The following UBR4 variants were observed in gnomAD, a reference collection of about 807,000 sequenced individuals.
UBR4 encodes E3 ubiquitin-protein ligase UBR4.
UBR4 carries 124 observed loss-of-function variants against 575.6 expected under a neutral mutation model. That is an observed-to-expected ratio of 0.22 (90% CI 0.19 to 0.25). The LOEUF is 0.25. Among genes scored for constraint, UBR4 ranks in the 10% least tolerant of loss-of-function variants. The pLI, the probability that UBR4 is intolerant of heterozygous loss-of-function variation, is 1.00. For missense variants in UBR4, 4,818 were observed against 6,478.8 expected (o/e 0.74, Z 8.80); for synonymous variants, 2,455 against 2,473.7 (o/e 0.99, Z 0.22).
Position 19,141,396 on chromosome 1 carries a change from C to T in UBR4, c.8439G>A (p.Glu2813=). ...GGGCAATGGCTAGTTCAACCATGGT[C>T]TCGTCATCTGCATCAGGTGGGATGT... ...MLDIPPDADD[E]TMVELAIALS... Residue 2813 remains glutamate, a synonymous_variant, in exon 57 of 106, where the codon GAG becomes GAA. Transcript: ENST00000375254. 6.2e-7 allele frequency: 1 copy of T among 1,614,252 alleles called. No homozygotes were observed. Among genetic ancestry groups the T allele is most frequent in the Non-Finnish European group, 8.5e-7 (1 of 1,180,038 alleles).
At chr1:19,143,663 G>A (rs559248739) in intron 55 of UBR4, among the ~76,000 whole-genome samples, 1 of 152,308 alleles carries the variant, frequency 6.6e-6, no homozygotes, top group East Asian at 1.9e-4. Context: ...TGGCTCTTAG[G>A]AAGCTTTCAG....
At position 19,088,292 on chromosome 1, in the gene UBR4, C is replaced by T. The variant is rs900925822; in HGVS notation, c.14431-363G>A. 2.4e-4 allele frequency among the ~76,000 whole-genome samples: 36 copies of T among 152,218 alleles called. No homozygotes were observed. The highest frequency in any genetic ancestry group is 1.3e-4 in the Admixed American group (2 of 15,282). On this transcript the variant is annotated intron_variant, in intron 98 of 105. Coordinates refer to ENST00000375254, the MANE Select transcript of UBR4 (RefSeq NM_020765.3). The surrounding 1 kb of genome is among the most constrained non-coding windows in gnomAD (Gnocchi z 4.0). ...CACTGTTCCCAGGTGAGCTTTTCAA[C>T]TGCTGACACTCAAGTCTGTGCTTTG... is the stretch of plus-strand genomic sequence containing the variant.
chr1:19,111,550 C>G (rs1198291550), intron 78 of UBR4: 1 of 152,520 alleles, frequency 6.6e-6, no homozygotes, highest in East Asian at 1.9e-4. Context: ...AACTCCTGAC[C>G]TCGTGATCTG....
rs766518137 is a variant in UBR4 at position 19,087,867 on chromosome 1, G to A, written c.14493C>T (p.Ile4831=). 2.4e-5 allele frequency: 38 copies of A among 1,611,288 alleles called. No homozygotes were observed. The highest frequency in any genetic ancestry group is 3.1e-5 in the Non-Finnish European group (36 of 1,178,668). The change falls in exon 99 of 106, where the codon ATC becomes ATT. Residue 4831 remains isoleucine (I), a synonymous_variant. Transcript: ENST00000375254. ...TALLKQMEEL[I]EEPGLTCCIC... ...TGCAGCACGTGAGGCCAGGCTCCTC[G>A]ATCAGCTCTTCCATCTGCTTCAGGA...
rs1389055392 is a variant in UBR4 at position 19,148,575 on chromosome 1, T to C, written c.7482A>G (p.Pro2494=). ...AAAAGTGACTTGCCTTCTCGATGAT[T>C]GGGCCAACGGCAAAGCAGCTTTCCA... ...EALESCFAVG[P]IIEKERNKNA... The change falls in exon 50 of 106, where the codon CCA becomes CCG. Residue 2494 remains proline (P), a synonymous_variant. Transcript: ENST00000375254. 6 of 1,614,090 alleles carry C rather than the reference T, an allele frequency of 3.7e-6. No individual in the cohort carries two copies. The African/African-American group carries it at 8.0e-5, about 22-fold the overall frequency.
chr1:19,113,988 T>C lies in UBR4; in HGVS notation c.11285A>G (p.Asn3762Ser). 1 of 1,614,240 alleles carries C rather than the reference T, an allele frequency of 6.2e-7. No homozygotes were observed. The highest frequency in any genetic ancestry group is 2.2e-5 in the East Asian group (1 of 44,894). The change falls in exon 76 of 106, where the codon AAC becomes AGC. Residue 3762 changes from asparagine (N) to serine (S), a missense_variant. By Grantham distance (46) the Asn-to-Ser change is conservative (BLOSUM62 1). This residue lies in a region of UBR4 where 333 missense variants were observed against 459.2 expected (regional missense o/e 0.73). Transcript: ENST00000375254. Reference protein sequence around the residue: ...QLMGHRPQLENLLCKVNEAAP... With the variant: ...QLMGHRPQLESLLCKVNEAAP... ...TGCCTCATTCACTTTGCAGAGCAGG[T>C]TCTCCAGCTGTGGCCGGTGTCCCAT...
Position 19,151,339 on chromosome 1 carries a change from T to C in UBR4, c.7213+304A>G, listed in dbSNP as rs747369815. ...GCGTTAAGAAAGCCTTGCAATTTCA[T>C]GTCAATCTGCCTCCTCTCGGCCTAA... On this transcript the variant is annotated intron_variant, in intron 48 of 105. Transcript: ENST00000375254. The C allele has an allele frequency of 2.6e-5, 12 of 464,898 alleles. 1 individual carries two copies. Among genetic ancestry groups the C allele is most frequent in the South Asian group, 4.9e-5 (2 of 40,890 alleles). 28.8% of individuals were successfully genotyped at this position (464,898 alleles called of 1,614,324 possible).
chr1:19,122,525 A>G (rs1479704846), intron 66 of UBR4, among the ~76,000 whole-genome samples: 2 of 152,226 alleles, frequency 1.3e-5, no homozygotes, highest in South Asian at 2.1e-4. Flanking sequence ...AGAGGTGCAC[A>G]AAGAGATCAG....
chr1:19,161,448 C>T (rs1393037434), intron 37 of UBR4, 141 bp downstream of exon 37: 8 of 1,203,280 alleles, frequency 6.6e-6, no homozygotes, highest in Non-Finnish European at 9.3e-6. Context: ...TAGGCCACAA[C>T]TGTGCAGATC....
Position 19,157,301 on chromosome 1 carries a change from G to A in UBR4, c.5761-376C>T, listed in dbSNP as rs1461578649. Among the ~76,000 whole-genome samples the A allele has an allele frequency of 6.6e-6, 1 of 152,206 alleles. No individual in the cohort carries two copies. The highest frequency in any genetic ancestry group is 1.5e-5 in the Non-Finnish European group (1 of 68,030). Reference sequence around the variant, plus strand: ...AAATAAAAGTTAAAACAACATTAGTGGTGATGGAGAGGCCAGAATACAGAA... The same window carrying A: ...AAATAAAAGTTAAAACAACATTAGTAGTGATGGAGAGGCCAGAATACAGAA... On this transcript the variant is annotated intron_variant, in intron 40 of 105. Coordinates refer to ENST00000375254, the MANE Select transcript of UBR4 (RefSeq NM_020765.3). The surrounding 1 kb of genome is among the most constrained non-coding windows in gnomAD (Gnocchi z 4.4).
chr1:19,078,647 C>G (rs2076194562), intron 103 of UBR4: 1 of 153,188 alleles, frequency 6.5e-6, no homozygotes. Context: ...ATGCAGCCAC[C>G]CTGACATCAC....
chr1:19,092,798 C>T (rs777663535), intron 97 of UBR4, 21 bp downstream of exon 97: 1 of 1,599,908 alleles, frequency 6.3e-7, no homozygotes, highest in Non-Finnish European at 8.5e-7. Flanking sequence ...TACCCTCACA[C>T]TACCTGTCCT....
intron 26 of UBR4, 89 bp downstream of exon 26, chr1:19,170,673 C>T (rs1174533251): frequency 8.3e-6 from 13 of 1,567,130 alleles, no homozygotes; most frequent in African/African-American, 2.7e-5. Flanking sequence ...AAATAGTAAA[C>T]GCCAGTAGGC....
At chr1:19,176,798 A>G in intron 19 of UBR4, 71 bp from the exon 20 acceptor site, 2 of 1,541,044 alleles carry the variant, frequency 1.3e-6, no homozygotes, top group Non-Finnish European at 1.8e-6. Flanking sequence ...CAGGCATGAT[A>G]ATAGCTCGGT....
At chr1:19,109,100 C>A (rs1015134348) in intron 81 of UBR4, among the ~76,000 whole-genome samples, 19 of 152,326 alleles carry the variant, frequency 1.2e-4, no homozygotes, top group African/African-American at 4.6e-4. Context: ...CACATCATAA[C>A]CCTAGTGCTT....
At position 19,153,634 on chromosome 1, in the gene UBR4, G is replaced by T. The variant is rs1001865161; in HGVS notation, c.6631-132C>A. On this transcript the variant is annotated intron_variant, in intron 45 of 105. Transcript: ENST00000375254. This position sits in a 1 kb window ranked among gnomAD's most constrained non-coding sequence, Gnocchi z 4.1. ...TGTACAGAAGGGTGGCAAAGAAAAGGCATCTAGAAGAAAAAGGACTGAAAA... is the reference window on the plus strand; with the variant it reads ...TGTACAGAAGGGTGGCAAAGAAAAGTCATCTAGAAGAAAAAGGACTGAAAA... 1 of 1,457,254 alleles carries T rather than the reference G, an allele frequency of 6.9e-7. No homozygotes were observed. The allele number at this position is 1,457,254 out of a possible 1,614,324, so 90.3% of individuals were successfully genotyped here.
chr1:19,151,991 C>T, intron 47 of UBR4, 132 bp from the exon 48 acceptor site: 1 of 898,362 alleles, frequency 1.1e-6, no homozygotes, highest in Non-Finnish European at 1.6e-6. Context: ...CTGGTAATGA[C>T]TTCCTTGTTT....
In UBR4 at chr1:19,183,999, A is replaced by C. The variant is rs745795946; in HGVS notation, c.2098+17T>G. On this transcript the variant is annotated intron_variant, in intron 16 of 105. Transcript: ENST00000375254. ...ATGAGAAAAAAAATCCATCAGGCAC[A>C]TATCTTGTCTACTGACCCTTGAGTC... 5.6e-6 allele frequency: 9 copies of C among 1,613,980 alleles called. No homozygotes were observed. In the South Asian group the frequency reaches 7.7e-5, roughly 14 times the overall value.
chr1:19,096,466 AGGG>A lies in UBR4; in HGVS notation c.13518+54_13518+56del. 2.5e-6 allele frequency: 4 copies of A among 1,580,714 alleles called. No individual in the cohort carries two copies. The Admixed American group carries it at 7.2e-5, about 28-fold the overall frequency. On this transcript the variant is annotated intron_variant, in intron 92 of 105. Coordinates refer to ENST00000375254, the MANE Select transcript of UBR4 (RefSeq NM_020765.3). ...CACAGTGGCCATAGCTTCTTTCCAC[AGGG>A]GCCTCTCCCAGTGCAGAAAGGCTGG... is the stretch of plus-strand genomic sequence containing the variant.
Sources: allele counts gnomAD v4.1 joint callset (sites outside exome capture counted in the v4.1 genomes callset), GRCh38; gene constraint gnomAD v4.1.1; regional missense constraint gnomAD v4.1.1; non-coding constraint Gnocchi (gnomAD v3.1); transcripts MANE v1.5; gene names NCBI Gene and HGNC (gene_info 2026-07-23, HGNC 2026-07-21).